The following NRG1 variants were observed in gnomAD, a reference collection of about 807,000 sequenced individuals.
The protein encoded by NRG1 is neuregulin 1, also known as pro-neuregulin-1, membrane-bound isoform.
NRG1 carries 18 observed loss-of-function variants against 63.8 expected under a neutral mutation model. The observed-to-expected ratio is 0.28, with a 90% CI of 0.19 to 0.42. The LOEUF (loss-of-function observed/expected upper bound fraction) is 0.42. Among genes scored for constraint, NRG1 ranks in the 10% least tolerant of loss-of-function variants. The pLI, the probability that NRG1 is intolerant of heterozygous loss-of-function variation, is 1.00. For synonymous variants in NRG1, 302 were observed against 301.3 expected, an observed-to-expected ratio of 1.00 and a Z score of -0.02; for missense variants, 762 against 814.7, an observed-to-expected ratio of 0.94 and a Z score of 0.79.
At chr8:32,661,580 A>T (rs1046935984) in intron 5 of NRG1, among the ~76,000 whole-genome samples, 1 of 152,104 alleles carries the variant, frequency 6.6e-6, no homozygotes, top group Non-Finnish European at 1.5e-5. Flanking sequence ...GCTAGTAAGA[A>T]ACACGGGCTG....
intron 1 of NRG1, among the ~76,000 whole-genome samples, chr8:32,279,276 C>T (rs1280107462): frequency 6.6e-6 from 1 of 152,198 alleles, no homozygotes; most frequent in Non-Finnish European, 1.5e-5. Flanking sequence ...AATTTAATTC[C>T]TGCAAGAGTC....
intron 1 of NRG1, among the ~76,000 whole-genome samples, chr8:32,071,812 A>G (rs1326583621): frequency 6.6e-6 from 1 of 152,210 alleles, no homozygotes; most frequent in African/African-American, 2.4e-5. Context: ...GTTGCTTACA[A>G]GCTATGTATT....
At chr8:32,414,650 C>T (rs879810753) in intron 1 of NRG1, among the ~76,000 whole-genome samples, 11 of 152,238 alleles carry the variant, frequency 7.2e-5, no homozygotes, top group South Asian at 2.1e-4. Context: ...GTTTGTGGTA[C>T]TTTATTTCTC....
In NRG1 at chr8:32,119,409, T is replaced by C. The variant is rs1341420074; in HGVS notation, c.38-476419T>C. ...TTGCAATGCCTTTCCAGAAAATTTC[T>C]AGTAGTTTCCACCATTCCTGGACCT... On this transcript the variant is annotated intron_variant, in intron 1 of 10. Transcript: ENST00000519301. Among the ~76,000 whole-genome samples, 4 of 152,140 alleles carry C rather than the reference T, an allele frequency of 2.6e-5. No individual in the cohort carries two copies. The East Asian group carries it at 7.7e-4, about 29-fold the overall frequency.
At chr8:31,759,274 TATC>T (rs1424616401) in intron 1 of NRG1, among the ~76,000 whole-genome samples, 1 of 152,126 alleles carries the variant, frequency 6.6e-6, no homozygotes, top group African/African-American at 2.4e-5. Flanking sequence ...TGTTTTCTGT[TATC>T]ATTAGTTTTA....
intron 1 of NRG1, among the ~76,000 whole-genome samples, chr8:32,140,987 C>T (rs1435341356): frequency 6.6e-6 from 1 of 152,074 alleles, no homozygotes; most frequent in Non-Finnish European, 1.5e-5. Flanking sequence ...GTCTCTGTGT[C>T]TCTCTCTGTT....
chr8:32,214,997 T>C (rs981424525), intron 1 of NRG1, among the ~76,000 whole-genome samples: 5 of 152,268 alleles, frequency 3.3e-5, no homozygotes, highest in Non-Finnish European at 7.3e-5. Flanking sequence ...TGAACTTGAA[T>C]AATCCCTTAG....
intron 5 of NRG1, among the ~76,000 whole-genome samples, chr8:32,668,404 C>G (rs1218249665): frequency 6.6e-6 from 1 of 152,118 alleles, no homozygotes; most frequent in Non-Finnish European, 1.5e-5. Context: ...GGGTCTCAGT[C>G]AGAAAAATAT....
chr8:32,231,894 CAA>C lies in NRG1; in HGVS notation c.38-363919_38-363918del, dbSNP rs11292016. ...TGGGCAACAGATCAGGACTCCATCT[CAA>C]AAAAAAAAAAAAAATTAAATTAAAG... On this transcript the variant is annotated intron_variant, in intron 1 of 10. Transcript: ENST00000519301. Among the ~76,000 whole-genome samples, 444 of 135,792 alleles carry C rather than the reference CAA, an allele frequency of 3.3e-3. 2 individuals carry two copies. The highest frequency in any genetic ancestry group is 7.7e-3 in the Middle Eastern group (2 of 260). 89.1% of individuals were successfully genotyped at this position (135,792 alleles called of 152,430 possible). A position where few individuals can be genotyped will look rare whatever the true frequency, so the allele number is the denominator to read the frequency against.
chr8:31,925,745 C>T (rs376909059), intron 1 of NRG1, among the ~76,000 whole-genome samples: 16 of 152,078 alleles, frequency 1.1e-4, no homozygotes, highest in South Asian at 2.1e-4. Flanking sequence ...CTATGAAGCC[C>T]GTCCACTAGG....
Position 32,595,813 on chromosome 8 carries a change from CT to C in NRG1, c.101-11del, listed in dbSNP as rs774704888. The stretch of plus-strand genomic sequence containing the variant: ...GGTGATCAGAGTTGTTTTTCATTCT[CT>C]TTTCTTCTTTTAGCCTTGCCTCCCC... On this transcript the variant is annotated splice_polypyrimidine_tract_variant and intron_variant, in intron 1 of 11. Coordinates refer to ENST00000356819, the Ensembl canonical transcript of NRG1. 6.3e-7 allele frequency: 1 copy of C among 1,585,702 alleles called. No individual in the cohort carries two copies. The highest frequency in any genetic ancestry group is 1.4e-5 in the African/African-American group (1 of 73,156).
chr8:32,324,868 T>G (rs1002597999), intron 1 of NRG1, among the ~76,000 whole-genome samples: 1 of 152,196 alleles, frequency 6.6e-6, no homozygotes. Flanking sequence ...ATCTGACTCT[T>G]TCAAGCTGTA....
At chr8:32,321,842 G>T (rs2129476797) in intron 1 of NRG1, among the ~76,000 whole-genome samples, 1 of 92,408 alleles carries the variant, frequency 1.1e-5, no homozygotes, top group South Asian at 4.7e-4. Flanking sequence ...GTTGCTTTTT[G>T]TTTCTTTGAT....
intron 1 of NRG1, among the ~76,000 whole-genome samples, chr8:32,572,146 A>G (rs1478010211): frequency 6.6e-6 from 1 of 152,198 alleles, no homozygotes; most frequent in Non-Finnish European, 1.5e-5. Flanking sequence ...TTTCAAAGAA[A>G]CAATTGCAAC....
intron 1 of NRG1, among the ~76,000 whole-genome samples, chr8:31,712,996 T>C (rs10103248): frequency 4.6e-4 from 34 of 73,474 alleles, no homozygotes; most frequent in African/African-American, 1.4e-3. Flanking sequence ...CATCCATCCA[T>C]CCATCCATCC....
intron 1 of NRG1, among the ~76,000 whole-genome samples, chr8:32,140,668 GC>G (rs1417411632): frequency 1.1e-4 from 16 of 152,050 alleles, no homozygotes; most frequent in African/African-American, 3.9e-4. Flanking sequence ...TTGCTATGCT[GC>G]CCAAGCTGGT....
At chr8:31,891,360 C>T (rs552302427) in intron 1 of NRG1, among the ~76,000 whole-genome samples, 1 of 152,018 alleles carries the variant, frequency 6.6e-6, no homozygotes, top group Non-Finnish European at 1.5e-5. Flanking sequence ...AGAGGATATA[C>T]ATTTGGTGAA....
At chr8:32,603,280 A>G (rs1010284438) in intron 2 of NRG1, among the ~76,000 whole-genome samples, 2 of 152,160 alleles carry the variant, frequency 1.3e-5, no homozygotes, top group African/African-American at 4.8e-5. Flanking sequence ...TTGAGAGAAA[A>G]TAAATAATAT....
chr8:32,281,878 A>C (rs1295691512), intron 1 of NRG1, among the ~76,000 whole-genome samples: 1 of 152,212 alleles, frequency 6.6e-6, no homozygotes, highest in Admixed American at 6.5e-5. Flanking sequence ...ATAATACAAA[A>C]TTGGTTGAAG....
Sources: allele counts gnomAD v4.1 joint callset (sites outside exome capture counted in the v4.1 genomes callset), GRCh38; gene constraint gnomAD v4.1.1; transcripts MANE v1.5; gene names NCBI Gene and HGNC (gene_info 2026-07-23, HGNC 2026-07-21).